CREBBP: variants seen among roughly 807,000 people sequenced by gnomAD.
CREBBP encodes CREB binding lysine acetyltransferase, also known as CREB-binding protein.
CREBBP carries 19 observed loss-of-function variants against 265.0 expected under a neutral mutation model. The observed-to-expected ratio is 0.07, with a 90% CI of 0.05 to 0.11. The LOEUF (loss-of-function observed/expected upper bound fraction) is 0.11. CREBBP is among the 10% of genes least tolerant of loss of function. CREBBP has a pLI of 1.00. For synonymous variants in CREBBP, 1,457 were observed against 1,223.7 expected (o/e 1.19, Z -3.98); for missense variants, 2,525 against 3,219.0 (o/e 0.78, Z 5.22).
intron 2 of CREBBP, chr16:3,840,801 C>T (rs76709993): frequency 0.021 from 3,178 of 154,672 alleles, 35 homozygotes; most frequent in Non-Finnish European, 0.033. Flanking sequence ...CCTGTCTATG[C>T]AGAAAGAAAG....
chr16:3,725,671 TC>T lies in CREBBP; in HGVS notation c.*2046del, dbSNP rs1250618627. The T allele has an allele frequency of 6.0e-5, 14 of 233,198 alleles. No individual in the cohort carries two copies. The highest frequency in any genetic ancestry group is 3.4e-4 in the Admixed American group (6 of 17,784). The allele number at this position is 233,198 out of a possible 1,614,324, so 14.4% of individuals were successfully genotyped here. A position where few individuals can be genotyped will look rare whatever the true frequency, so the allele number is the denominator to read the frequency against. On this transcript the variant is annotated 3_prime_UTR_variant, in exon 31 of 31. Coordinates refer to ENST00000262367, the MANE Select transcript of CREBBP (RefSeq NM_004380.3). ...CTTGAATTATTCTGCATTTTATAAC[TC>T]AAGGTTCAAAGCTCTGTGCTAAAAC...
intron 2 of CREBBP, among the ~76,000 whole-genome samples, chr16:3,839,728 G>C (rs1160699489): frequency 1.5e-5 from 2 of 135,362 alleles, no homozygotes; most frequent in South Asian, 2.7e-4. Context: ...GGGAGGGGGA[G>C]GGGGAGGGAA....
intron 3 of CREBBP, among the ~76,000 whole-genome samples, chr16:3,800,863 T>C (rs181128032): frequency 2.6e-5 from 4 of 152,236 alleles, no homozygotes; most frequent in East Asian, 1.9e-4. Context: ...ATTCTTTCTA[T>C]GACTAAAATC....
chr16:3,740,273 G>A (rs750632383), intron 24 of CREBBP, 126 bp downstream of exon 24: 5 of 1,109,864 alleles, frequency 4.5e-6, no homozygotes, highest in Non-Finnish European at 6.7e-6. Flanking sequence ...GGGGGCTACT[G>A]CACGCATTCG....
chr16:3,764,297 G>A (rs1244840893), intron 16 of CREBBP, among the ~76,000 whole-genome samples: 2 of 151,806 alleles, frequency 1.3e-5, no homozygotes, highest in African/African-American at 4.8e-5. Flanking sequence ...TTATTTTTAA[G>A]ACAGGGTCTC....
At chr16:3,836,538 C>A (rs988754758) in intron 2 of CREBBP, among the ~76,000 whole-genome samples, 3 of 151,612 alleles carry the variant, frequency 2.0e-5, no homozygotes, top group African/African-American at 7.3e-5. Flanking sequence ...ACTTTCTGGG[C>A]TAAGAGAAAT....
Position 3,731,315 on chromosome 16 carries a change from G to A in CREBBP, c.5049C>T (p.Arg1683=), listed in dbSNP as rs2151316625. Residue 1683 remains arginine, a synonymous_variant, in exon 30 of 31, where the codon CGC becomes CGT. Transcript: ENST00000262367. This position sits in a 1 kb window ranked among gnomAD's most constrained non-coding sequence, Gnocchi z 7.7. ...GCATGCAGAGCGTGGACCACTTGGA[G>A]CGGCGCAAGGAGGAGAACTCCCAGT... The part of the protein sequence containing the change: ...DKHWEFSSLR[R]SKWSTLCMLV... 13 of 1,614,184 alleles carry A rather than the reference G, an allele frequency of 8.1e-6. No homozygotes were observed. The highest frequency in any genetic ancestry group is 1.6e-4 in the Middle Eastern group (1 of 6,062).
Position 3,729,087 on chromosome 16 carries a change from C to T in CREBBP, c.5960G>A (p.Gly1987Asp), listed in dbSNP as rs2051836307. ...INNSMPPGRT[G>D]MGTPGSQMAP... ...CATCTGGCTCCCCGGGGTCCCCATG[C>T]CCGTGCGTCCTGGGGGCATGCTGTT... Residue 1987 changes from glycine (G) to aspartate (D), a missense_variant, in exon 31 of 31, where the codon GGC (glycine) becomes GAC (aspartate). By Grantham distance (94) the Gly-to-Asp change is moderately conservative. This residue lies in a region of CREBBP where 275 missense variants were observed against 276.5 expected (regional missense o/e 0.99). Transcript: ENST00000262367. 1 of 1,584,878 alleles carries T rather than the reference C, an allele frequency of 6.3e-7. No individual in the cohort carries two copies. Among genetic ancestry groups the T allele is most frequent in the African/African-American group, 1.3e-5 (1 of 74,502 alleles).
intron 14 of CREBBP, 145 bp downstream of exon 14, chr16:3,770,425 G>A: frequency 2.1e-6 from 2 of 962,612 alleles, no homozygotes; most frequent in Non-Finnish European, 3.3e-6. Flanking sequence ...TGAACTCATG[G>A]GCTCAAGTGA....
intron 1 of CREBBP, among the ~76,000 whole-genome samples, chr16:3,871,446 A>G (rs1160544048): frequency 6.6e-6 from 1 of 152,212 alleles, no homozygotes; most frequent in Non-Finnish European, 1.5e-5. Context: ...AATACTCAAA[A>G]TATTTTAATC....
chr16:3,806,138 C>G (rs755661234), intron 3 of CREBBP, among the ~76,000 whole-genome samples: 34 of 152,108 alleles, frequency 2.2e-4, no homozygotes, highest in Non-Finnish European at 3.8e-4. Flanking sequence ...ACAGGGGGCC[C>G]TGGAGGGCAT....
At chr16:3,750,894 C>T (rs1044689131) in intron 20 of CREBBP, among the ~76,000 whole-genome samples, 1 of 152,066 alleles carries the variant, frequency 6.6e-6, no homozygotes, top group African/African-American at 2.4e-5. Context: ...TCATTTTTTG[C>T]TACTGCCAGT....
chr16:3,836,031 G>C (rs185523677), intron 2 of CREBBP, among the ~76,000 whole-genome samples: 1 of 152,236 alleles, frequency 6.6e-6, no homozygotes, highest in East Asian at 1.9e-4. Context: ...ATGAATCTCA[G>C]AAAACAAGTT....
intron 4 of CREBBP, 51 bp downstream of exon 4, chr16:3,793,335 G>C (rs758980817): frequency 1.2e-6 from 2 of 1,612,308 alleles, no homozygotes; most frequent in Admixed American, 1.7e-5. Flanking sequence ...GAACAATAAA[G>C]GCAAATTCTT....
chr16:3,730,197 C>T (rs2051876097), intron 30 of CREBBP, among the ~76,000 whole-genome samples: 1 of 152,186 alleles, frequency 6.6e-6, no homozygotes, highest in African/African-American at 2.4e-5. Flanking sequence ...CTGACCCATG[C>T]CCCAAGAACC....
chr16:3,833,763 T>C lies in CREBBP; in HGVS notation c.798+16534A>G, dbSNP rs1246179908. On this transcript the variant is annotated intron_variant, in intron 2 of 30. Transcript: ENST00000262367. ...AGTACAACTATGAAAGTTTCATCTA[T>C]GAAACTTTTGTGATTGATAAAATTG... Among the ~76,000 whole-genome samples, 5 of 152,242 alleles carry C rather than the reference T, an allele frequency of 3.3e-5. No individual in the cohort carries two copies. The East Asian group carries it at 7.7e-4, about 23-fold the overall frequency.
intron 30 of CREBBP, among the ~76,000 whole-genome samples, chr16:3,730,234 G>A (rs2051877188): frequency 6.6e-6 from 1 of 152,148 alleles, no homozygotes; most frequent in African/African-American, 2.4e-5. Flanking sequence ...ACGGACAGTA[G>A]ACACCAGCCC....
intron 2 of CREBBP, among the ~76,000 whole-genome samples, chr16:3,839,729 GGGGAGGGAA>G (rs1460278993): frequency 7.4e-5 from 10 of 135,010 alleles, no homozygotes; most frequent in Admixed American, 1.5e-4. Context: ...GGAGGGGGAG[GGGGAGGGAA>G]GGGAGGGAAG....
At chr16:3,877,154 C>T (rs1007770831) in intron 1 of CREBBP, among the ~76,000 whole-genome samples, 34 of 152,126 alleles carry the variant, frequency 2.2e-4, no homozygotes, top group Admixed American at 1.3e-3. Flanking sequence ...TCACATGCAC[C>T]GGGCACACAC....
Sources: allele counts gnomAD v4.1 joint callset (sites outside exome capture counted in the v4.1 genomes callset), GRCh38; gene constraint gnomAD v4.1.1; regional missense constraint gnomAD v4.1.1; non-coding constraint Gnocchi (gnomAD v3.1); transcripts MANE v1.5; gene names NCBI Gene and HGNC (gene_info 2026-07-23, HGNC 2026-07-21).